The following LRRC7 variants were observed in gnomAD, a reference collection of about 807,000 sequenced individuals.
The protein encoded by LRRC7 is leucine-rich repeat-containing protein 7.
In LRRC7, 23 loss-of-function variants were observed where a neutral mutation model predicts 175.7. That is an observed-to-expected ratio of 0.13 (90% CI 0.09 to 0.19). The LOEUF (loss-of-function observed/expected upper bound fraction) is 0.19, where lower values mean the gene tolerates loss of function less well. Among genes scored for constraint, LRRC7 ranks in the 10% least tolerant of loss-of-function variants. The probability of loss-of-function intolerance (pLI) is 1.00; values close to 1 mark genes in which losing one functional copy is unlikely to be tolerated. For missense variants in LRRC7, 1,354 were observed against 1,904.7 expected, an observed-to-expected ratio of 0.71 and a Z score of 5.38; for synonymous variants, 685 against 680.9, an observed-to-expected ratio of 1.01 and a Z score of -0.09.
intron 11 of LRRC7, among the ~76,000 whole-genome samples, chr1:69,995,721 A>G (rs1196017186): frequency 2.6e-5 from 4 of 152,050 alleles, no homozygotes; most frequent in Non-Finnish European, 5.9e-5. Context: ...TCTCCCTACA[A>G]AGGACGTGAA....
chr1:69,812,607 T>C (rs1233870915), intron 4 of LRRC7, among the ~76,000 whole-genome samples: 1 of 152,156 alleles, frequency 6.6e-6, no homozygotes, highest in African/African-American at 2.4e-5. Flanking sequence ...TGAAATCTTA[T>C]AAACATGTTT....
chr1:69,973,264 A>G (rs1000369141), intron 8 of LRRC7, among the ~76,000 whole-genome samples: 25 of 151,854 alleles, frequency 1.6e-4, no homozygotes, highest in Middle Eastern at 3.4e-3. Context: ...GAATAACACA[A>G]TGGACTTTGA....
At chr1:69,569,372 G>A (rs999165969) in intron 1 of LRRC7, among the ~76,000 whole-genome samples, 13 of 152,148 alleles carry the variant, frequency 8.5e-5, no homozygotes, top group Middle Eastern at 6.8e-3. Flanking sequence ...CGAGAAGCTG[G>A]TGAACCTGCC....
rs1199831092 is a variant in LRRC7, at chr1:70,089,741, A to C, written c.4467A>C (p.Ile1489=). The part of the protein sequence containing the change: ...DGYPEQFCVR[I]EKNPGLGFSI... The stretch of plus-strand genomic sequence containing the variant: ...TTTTTACATAGTTTTGTGTGAGAAT[A>C]GAAAAGAATCCTGGCCTTGGATTTA... Residue 1489 remains isoleucine (I), a synonymous_variant, in exon 25 of 27, where the codon ATA becomes ATC. Coordinates refer to ENST00000651989, the MANE Select transcript of LRRC7 (RefSeq NM_001370785.2). 3 of 1,607,412 alleles carry C rather than the reference A, an allele frequency of 1.9e-6. No individual in the cohort carries two copies. Among genetic ancestry groups the C allele is most frequent in the Non-Finnish European group, 2.6e-6 (3 of 1,175,664 alleles).
In LRRC7 at chr1:70,136,721, CTTTTTTT is replaced by C. The variant is rs1204650835; in HGVS notation, c.*14852_*14858del. ...TTCTGCTTTATTGCTTTTTTAATGC[CTTTTTTT>C]TTTTTTTTTTTTTTTTTCTGAGACA... On this transcript the variant is annotated 3_prime_UTR_variant, in exon 27 of 27. Transcript: ENST00000651989. Among the ~76,000 whole-genome samples the C allele has an allele frequency of 4.7e-4, 46 of 98,340 alleles. No homozygotes were observed. The highest frequency in any genetic ancestry group is 1.3e-3 in the African/African-American group (30 of 23,390). 64.5% of individuals were successfully genotyped at this position (98,340 alleles called of 152,430 possible).
chr1:70,078,638 A>G (rs1418981941), intron 24 of LRRC7, among the ~76,000 whole-genome samples: 2 of 152,106 alleles, frequency 1.3e-5, no homozygotes, highest in Admixed American at 1.3e-4. Context: ...TTGGAGTTCT[A>G]GTTTCATGTT....
intron 4 of LRRC7, among the ~76,000 whole-genome samples, chr1:69,801,816 C>T (rs985624661): frequency 6.7e-6 from 1 of 148,174 alleles, no homozygotes; most frequent in Non-Finnish European, 1.5e-5. Context: ...TAGTCTGTGA[C>T]CTTTCTATTT....
Position 69,919,530 on chromosome 1 carries a change from G to A in LRRC7, c.648-11977G>A, listed in dbSNP as rs879797543. ...GGGAGCCCGCCAGGGTCCGCCGCTC[G>A]CACCTGCTAGTGAAGCCAGTCAAGG... On this transcript the variant is annotated intron_variant, in intron 7 of 26. Coordinates refer to ENST00000651989, the MANE Select transcript of LRRC7 (RefSeq NM_001370785.2). The A allele has an allele frequency of 6.2e-6, 5 of 802,530 alleles. No individual in the cohort carries two copies. In the East Asian group the frequency reaches 7.9e-5, roughly 13 times the overall value. The allele number at this position is 802,530 out of a possible 1,614,324, so 49.7% of individuals were successfully genotyped here.
chr1:69,768,383 T>C (rs1376518223), intron 3 of LRRC7, among the ~76,000 whole-genome samples: 4 of 152,168 alleles, frequency 2.6e-5, no homozygotes, highest in African/African-American at 4.8e-5. Context: ...CCTTCAGATC[T>C]CTGCTCAAAC....
intron 8 of LRRC7, among the ~76,000 whole-genome samples, chr1:69,941,038 G>T (rs1329139764): frequency 6.6e-6 from 1 of 152,010 alleles, no homozygotes; most frequent in African/African-American, 2.4e-5. Flanking sequence ...CTGAAAGGAG[G>T]TCAGGGAGTG....
At position 70,017,700 on chromosome 1, in the gene LRRC7, A is replaced by G. The variant is rs114530684; in HGVS notation, c.1321-1019A>G. Among the ~76,000 whole-genome samples the G allele has an allele frequency of 7.3e-3, 1,111 of 152,286 alleles. 6 individuals are homozygous for G. Among genetic ancestry groups the G allele is most frequent in the Non-Finnish European group, 9.2e-3 (626 of 67,992 alleles). On this transcript the variant is annotated intron_variant, in intron 14 of 26. Coordinates refer to ENST00000651989, the MANE Select transcript of LRRC7 (RefSeq NM_001370785.2). Reference sequence around the variant, plus strand: ...CCTTTACAAATTATAAAATCTAAATATAAGAATATTGTTTGTGTTCCTACA... The same window carrying G: ...CCTTTACAAATTATAAAATCTAAATGTAAGAATATTGTTTGTGTTCCTACA...
At chr1:69,895,607 C>G (rs1490490756) in intron 7 of LRRC7, among the ~76,000 whole-genome samples, 1 of 152,134 alleles carries the variant, frequency 6.6e-6, no homozygotes, top group Non-Finnish European at 1.5e-5. Flanking sequence ...ACCCCACTCC[C>G]CACCCAGACA....
intron 1 of LRRC7, among the ~76,000 whole-genome samples, chr1:69,636,937 T>G (rs1570093291): frequency 6.6e-6 from 1 of 152,118 alleles, no homozygotes; most frequent in Non-Finnish European, 1.5e-5. Flanking sequence ...TCATGATGTT[T>G]CAACTTTGTT....
intron 7 of LRRC7, among the ~76,000 whole-genome samples, chr1:69,906,090 C>G (rs1646299636): frequency 6.6e-6 from 1 of 152,180 alleles, no homozygotes; most frequent in African/African-American, 2.4e-5. Context: ...CATTCACCCA[C>G]TTTTTGATGG....
chr1:70,002,194 C>G lies in LRRC7; in HGVS notation c.1004+7561C>G, dbSNP rs61782624. ...TGAAAGGTTGTTTTTAAAAGCTATT[C>G]CTTCATAGAGTGTGGTCAAACAGAA... On this transcript the variant is annotated intron_variant, in intron 11 of 26. Coordinates refer to ENST00000651989, the MANE Select transcript of LRRC7 (RefSeq NM_001370785.2). 1.0e-3 allele frequency among the ~76,000 whole-genome samples: 154 copies of G among 152,142 alleles called. 1 individual carries two copies. Among genetic ancestry groups the G allele is most frequent in the Non-Finnish European group, 1.3e-3 (91 of 67,994 alleles).
At chr1:69,769,305 A>T (rs1671964145) in intron 3 of LRRC7, among the ~76,000 whole-genome samples, 1 of 152,182 alleles carries the variant, frequency 6.6e-6, no homozygotes, top group Non-Finnish European at 1.5e-5. Flanking sequence ...GTGATGATCA[A>T]ATAATATAAA....
In LRRC7 at chr1:69,644,141, G is replaced by A. The variant is rs1181716285; in HGVS notation, c.3-34240G>A. Among the ~76,000 whole-genome samples, 5 of 151,982 alleles carry A rather than the reference G, an allele frequency of 3.3e-5. No individual in the cohort carries two copies. In the East Asian group the frequency reaches 7.7e-4, roughly 23 times the overall value. On this transcript the variant is annotated intron_variant, in intron 1 of 26. Transcript: ENST00000651989. The stretch of plus-strand genomic sequence containing the variant: ...AAGATTGCCTGTTCTGCATTTGTTG[G>A]ATATAGCATTCTATAAATATCAATA...
chr1:70,079,762 C>G (rs1023923499), intron 24 of LRRC7, among the ~76,000 whole-genome samples: 1 of 152,116 alleles, frequency 6.6e-6, no homozygotes, highest in Admixed American at 6.5e-5. Context: ...TAAAAGGGCC[C>G]CACATTTGGA....
intron 8 of LRRC7, among the ~76,000 whole-genome samples, chr1:69,932,252 T>A (rs1647461466): frequency 6.6e-6 from 1 of 152,212 alleles, no homozygotes; most frequent in African/African-American, 2.4e-5. Context: ...AAAAATTCAA[T>A]TCATCTAAAG....
Sources: allele counts gnomAD v4.1 joint callset (sites outside exome capture counted in the v4.1 genomes callset), GRCh38; gene constraint gnomAD v4.1.1; transcripts MANE v1.5; gene names NCBI Gene and HGNC (gene_info 2026-07-23, HGNC 2026-07-21).